COL6A5: variants seen among roughly 807,000 people sequenced by gnomAD.
COL6A5 encodes collagen type VI alpha 5 chain.
In COL6A5, 48 loss-of-function variants were observed where a neutral mutation model predicts 65.6. The ratio of observed to expected loss-of-function variants is 0.73; its 90% CI spans 0.58 to 0.93. The LOEUF is 0.93. Among genes scored for constraint, COL6A5 ranks in the 40% least tolerant of loss-of-function variants. The pLI is 0.00. For missense variants in COL6A5, 914 were observed against 928.3 expected (o/e 0.98, Z 0.20); for synonymous variants, 291 against 322.8 (o/e 0.90, Z 1.05).
At chr3:130,440,439 C>T in exon 3 of COL6A5, 3 of 1,613,640 alleles carry the variant, frequency 1.9e-6, no homozygotes, top group South Asian at 2.2e-5. Context: ...GATTTCATCA[C>T]TTATGACAAC....
chr3:130,410,541 A>G lies in COL6A5; in HGVS notation c.4662+17A>G. The G allele has an allele frequency of 1.3e-6, 2 of 1,547,260 alleles. No individual in the cohort carries two copies. The highest frequency in any genetic ancestry group is 8.7e-7 in the Non-Finnish European group (1 of 1,143,242). Reference sequence around the variant, plus strand: ...GGCAGCAGGGTAAGTATTTCTGTGGACATTTATTTCCCCTCCTTGCCACTT... The same window carrying G: ...GGCAGCAGGGTAAGTATTTCTGTGGGCATTTATTTCCCCTCCTTGCCACTT... On this transcript the variant is annotated intron_variant and NMD_transcript_variant, in intron 20 of 41. Coordinates refer to the COL6A5 transcript ENST00000312481.
At chr3:130,370,113 C>A (rs528668746) in intron 1 of COL6A5, among the ~76,000 whole-genome samples, 5 of 152,284 alleles carry the variant, frequency 3.3e-5, no homozygotes, top group Admixed American at 6.5e-5. Flanking sequence ...ACCTCAGGTC[C>A]TTCCATCATA....
chr3:130,405,572 G>T lies in COL6A5; in HGVS notation c.4282-16G>T. On this transcript the variant is annotated splice_polypyrimidine_tract_variant and intron_variant and NMD_transcript_variant, in intron 13 of 41. Transcript: ENST00000312481. Reference sequence around the variant, plus strand: ...AAAACATCACTTTGGGTACCTGTCTGTGCTCCTTTTCTTAGGGAGTACGAG... The same window carrying T: ...AAAACATCACTTTGGGTACCTGTCTTTGCTCCTTTTCTTAGGGAGTACGAG... The T allele has an allele frequency of 6.5e-7, 1 of 1,547,876 alleles. No homozygotes were observed. Among genetic ancestry groups the T allele is most frequent in the South Asian group, 1.2e-5 (1 of 83,946 alleles).
intron 1 of COL6A5, among the ~76,000 whole-genome samples, chr3:130,437,198 T>G (rs1709053231): frequency 6.6e-6 from 1 of 152,104 alleles, no homozygotes; most frequent in African/African-American, 2.4e-5. Flanking sequence ...TATACAAAAG[T>G]GCATATATGT....
At chr3:130,416,933 C>A in intron 24 of COL6A5, 114 bp downstream of exon 24, 1 of 660,648 alleles carries the variant, frequency 1.5e-6, no homozygotes, top group Non-Finnish European at 2.5e-6. Context: ...TTTTTAAATT[C>A]TACTTTAAGT....
intron 4 of COL6A5, among the ~76,000 whole-genome samples, chr3:130,447,050 T>A (rs1050222310): frequency 6.6e-6 from 1 of 152,192 alleles, no homozygotes; most frequent in African/African-American, 2.4e-5. Flanking sequence ...CCCTGAGGAT[T>A]GTAAGCGATT....
intron 1 of COL6A5, among the ~76,000 whole-genome samples, chr3:130,351,537 C>G (rs1261416670): frequency 6.6e-6 from 1 of 152,142 alleles, no homozygotes; most frequent in East Asian, 1.9e-4. Flanking sequence ...ATTTATGCAG[C>G]CAACAGATAT....
At chr3:130,455,622 A>G in exon 5 of COL6A5, 1 of 1,613,222 alleles carries the variant, frequency 6.2e-7, no homozygotes, top group Non-Finnish European at 8.5e-7. Context: ...ATGATCAATT[A>G]TGAAAAAGAT....
chr3:130,383,201 A>G (rs1235357241), intron 4 of COL6A5, among the ~76,000 whole-genome samples: 1 of 152,068 alleles, frequency 6.6e-6, no homozygotes, highest in African/African-American at 2.4e-5. Context: ...TATCTATGCT[A>G]ATAGGGTAGC....
chr3:130,483,531 G>A (rs1454435695), intron 7 of COL6A5, among the ~76,000 whole-genome samples: 4 of 152,164 alleles, frequency 2.6e-5, no homozygotes, highest in Non-Finnish European at 4.4e-5. Context: ...TGCTCATAGT[G>A]CATGTAGTTA....
upstream of COL6A5, among the ~76,000 whole-genome samples, chr3:130,429,996 C>T (rs1031072130): frequency 1.3e-5 from 2 of 152,190 alleles, no homozygotes; most frequent in Non-Finnish European, 2.9e-5. Flanking sequence ...GTGCCCACTA[C>T]TTGTAAACCT....
chr3:130,357,095 A>G (rs1375189338), intron 1 of COL6A5, among the ~76,000 whole-genome samples: 1 of 152,218 alleles, frequency 6.6e-6, no homozygotes, highest in Non-Finnish European at 1.5e-5. Context: ...AGTTACCATA[A>G]TCCAGACAAA....
chr3:130,412,746 A>T (rs1937216977), intron 20 of COL6A5, among the ~76,000 whole-genome samples: 1 of 152,134 alleles, frequency 6.6e-6, no homozygotes, highest in African/African-American at 2.4e-5. Context: ...CAAGGGGCAG[A>T]ACTTCAGTGG....
intron 20 of COL6A5, among the ~76,000 whole-genome samples, chr3:130,410,729 C>T (rs950181835): frequency 9.2e-5 from 14 of 152,124 alleles, no homozygotes; most frequent in Admixed American, 9.2e-4. Flanking sequence ...TTGCAGCATC[C>T]CTGGTCTCTA....
intron 17 of COL6A5, among the ~76,000 whole-genome samples, chr3:130,408,499 A>G (rs1339392921): frequency 2.0e-5 from 3 of 152,182 alleles, no homozygotes; most frequent in Non-Finnish European, 2.9e-5. Context: ...GCCCAGCAGG[A>G]CGTGGACCTT....
intron 6 of COL6A5, 95 bp from the exon 7 acceptor site, chr3:130,391,084 A>T: frequency 1.2e-6 from 1 of 807,832 alleles, no homozygotes; most frequent in East Asian, 2.7e-5. Flanking sequence ...GACACATAGT[A>T]GGCTCATGGC....
intron 1 of COL6A5, among the ~76,000 whole-genome samples, chr3:130,349,176 C>A (rs1329204511): frequency 6.6e-6 from 1 of 152,158 alleles, no homozygotes. Flanking sequence ...CCAGGTGACA[C>A]CTCAAACGTT....
intron 4 of COL6A5, among the ~76,000 whole-genome samples, chr3:130,448,812 T>G (rs1709362555): frequency 1.3e-5 from 2 of 152,222 alleles, no homozygotes; most frequent in South Asian, 4.1e-4. Flanking sequence ...TGCAGGCTCC[T>G]GATTATTGAT....
rs5852595 is a variant in COL6A5 at position 130,403,565 on chromosome 3, T to TG, written c.4228-35dup. On this transcript the variant is annotated intron_variant and NMD_transcript_variant, in intron 12 of 41. Transcript: ENST00000312481. ...AATGATTTCACAAGTTTGACTTTAT[T>TG]GGGGGGGGGTGACTAAAATGTATTG... 7,184 of 1,444,268 alleles carry TG rather than the reference T, an allele frequency of 5.0e-3. 189 individuals carry two copies. The African/African-American group carries it at 0.084, about 17-fold the overall frequency. The allele number at this position is 1,444,268 out of a possible 1,614,324, so 89.5% of individuals were successfully genotyped here.
Sources: gnomAD v4.1 joint callset for allele counts (sites outside exome capture counted in the v4.1 genomes callset) on GRCh38, gnomAD v4.1.1 for gene constraint, MANE v1.5 for transcripts, NCBI Gene and HGNC (gene_info 2026-07-23, HGNC 2026-07-21) for gene names.